Variants in DLG5 observed in about 807,000 individuals in gnomAD.
DLG5 encodes the protein discs large MAGUK scaffold protein 5.
A neutral mutation model predicts 189.8 loss-of-function variants in DLG5; 48 were observed. The ratio of observed to expected loss-of-function variants is 0.25; its 90% CI spans 0.20 to 0.32. The LOEUF is 0.32. DLG5 is among the 10% of genes least tolerant of loss of function. DLG5 has a pLI of 1.00. For missense variants in DLG5, 2,160 were observed against 2,544.7 expected, an observed-to-expected ratio of 0.85 and a Z score of 3.25; for synonymous variants, 1,016 against 1,054.1, an observed-to-expected ratio of 0.96 and a Z score of 0.70.
chr10:77,883,453 G>A (rs1383525294), intron 1 of DLG5, among the ~76,000 whole-genome samples: 1 of 152,074 alleles, frequency 6.6e-6, no homozygotes, highest in East Asian at 1.9e-4. Flanking sequence ...CTCAGAAACT[G>A]GAATGTGGCA....
In DLG5 at chr10:77,796,436, C is replaced by A. The variant is rs1352145565; in HGVS notation, c.5308+15G>T. On this transcript the variant is annotated intron_variant, in intron 28 of 31. Transcript: ENST00000372391. This position sits in a 1 kb window ranked among gnomAD's most constrained non-coding sequence, Gnocchi z 5.2. ...AAGAGCCCAGTAGGCACAGAGGGTG[C>A]CCCGTGCCCCTTACCAAGGGGACAT... The A allele has an allele frequency of 3.7e-6, 6 of 1,614,136 alleles. No homozygotes were observed. The highest frequency in any genetic ancestry group is 5.1e-6 in the Non-Finnish European group (6 of 1,180,016).
At chr10:77,870,299 T>C (rs1844847177) in intron 1 of DLG5, among the ~76,000 whole-genome samples, 1 of 152,116 alleles carries the variant, frequency 6.6e-6, no homozygotes, top group Admixed American at 6.5e-5. Context: ...AATAAGGGCT[T>C]TGAACAAGCC....
intron 24 of DLG5, among the ~76,000 whole-genome samples, chr10:77,808,958 G>A (rs573297417): frequency 1.5e-4 from 23 of 152,046 alleles, no homozygotes; most frequent in Non-Finnish European, 3.2e-4. Flanking sequence ...AATTAGCTGG[G>A]CGTGTTGGCG....
At chr10:77,884,155 T>C (rs576939688) in intron 1 of DLG5, among the ~76,000 whole-genome samples, 1 of 152,038 alleles carries the variant, frequency 6.6e-6, no homozygotes, top group Admixed American at 6.6e-5. Context: ...TAGAAGGCAA[T>C]GGGGTGGAGG....
At chr10:77,895,117 G>A (rs543883620) in intron 1 of DLG5, among the ~76,000 whole-genome samples, 5 of 152,212 alleles carry the variant, frequency 3.3e-5, no homozygotes, top group Non-Finnish European at 7.3e-5. Context: ...GGCTCACTCT[G>A]CAGCCCCAGG....
intron 1 of DLG5, among the ~76,000 whole-genome samples, chr10:77,925,943 T>C (rs1191046667): frequency 6.6e-6 from 1 of 152,156 alleles, no homozygotes; most frequent in Non-Finnish European, 1.5e-5. Context: ...CCCTACCCGC[T>C]ACTGGACCTG....
Position 77,926,100 on chromosome 10 carries a change from G to C in DLG5, c.304+117C>G. 1 of 1,100,664 alleles carries C rather than the reference G, an allele frequency of 9.1e-7. No homozygotes were observed. Among genetic ancestry groups the C allele is most frequent in the Non-Finnish European group, 1.2e-6 (1 of 849,276 alleles). The allele number at this position is 1,100,664 out of a possible 1,614,324, so 68.2% of individuals were successfully genotyped here. On this transcript the variant is annotated intron_variant, in intron 1 of 31. Coordinates refer to ENST00000372391, the MANE Select transcript of DLG5 (RefSeq NM_004747.4). The surrounding 1 kb of genome is among the most constrained non-coding windows in gnomAD (Gnocchi z 5.2). ...GCCTCCCCAACTGGGCCAGAGGAGCGAGTCCACCGAGGCCATCGCCAGGTG... is the reference window on the plus strand; with the variant it reads ...GCCTCCCCAACTGGGCCAGAGGAGCCAGTCCACCGAGGCCATCGCCAGGTG...
intron 1 of DLG5, among the ~76,000 whole-genome samples, chr10:77,875,101 T>C (rs1301993080): frequency 6.6e-6 from 1 of 152,072 alleles, no homozygotes; most frequent in African/African-American, 2.4e-5. Context: ...TTAGAAAAAT[T>C]AATTTGCTGA....
In DLG5 at chr10:77,794,941, C is replaced by G; in HGVS notation, c.5454G>C (p.Leu1818=). ...EITEKNRHCL[L]DIAPHAIERL... is the part of the protein sequence containing the mutation. ...GCTCAATAGCGTGCGGAGCAATGTC[C>G]AGGAGGCAGTGTCGGTTCTGGGGTG... The change falls in exon 30 of 32, where the codon CTG becomes CTC. Residue 1818 remains leucine, a synonymous_variant. Coordinates refer to ENST00000372391, the MANE Select transcript of DLG5 (RefSeq NM_004747.4). The G allele has an allele frequency of 6.2e-7, 1 of 1,613,912 alleles. No individual in the cohort carries two copies. The highest frequency in any genetic ancestry group is 1.1e-5 in the South Asian group (1 of 91,058).
Position 77,794,841 on chromosome 10 carries a change from T to A in DLG5, c.5546+8A>T, listed in dbSNP as rs1019191357. On this transcript the variant is annotated splice_region_variant and intron_variant, in intron 30 of 31. Transcript: ENST00000372391. ...GCCCCAGCGGAGCCCAGGGGGCCAGTTACCTACTTGATGTGCTTGGCGCTC... is the reference window on the plus strand; with the variant it reads ...GCCCCAGCGGAGCCCAGGGGGCCAGATACCTACTTGATGTGCTTGGCGCTC... 9 of 1,613,136 alleles carry A rather than the reference T, an allele frequency of 5.6e-6. No homozygotes were observed. The East Asian group carries it at 1.1e-4, about 20-fold the overall frequency.
At chr10:77,801,901 T>G (rs79161351) in intron 27 of DLG5, among the ~76,000 whole-genome samples, 5,718 of 152,208 alleles carry the variant, frequency 0.038, 365 homozygotes, top group African/African-American at 0.13. Context: ...GAGGAAGGGC[T>G]TTTCCTGGAG....
intron 9 of DLG5, among the ~76,000 whole-genome samples, chr10:77,833,530 T>C (rs1842975177): frequency 6.8e-6 from 1 of 147,068 alleles, no homozygotes; most frequent in Non-Finnish European, 1.5e-5. Flanking sequence ...GAGCAGGTAC[T>C]TAAAAAATCT....
intron 1 of DLG5, among the ~76,000 whole-genome samples, chr10:77,887,154 C>A (rs181041549): frequency 2.0e-5 from 3 of 152,220 alleles, no homozygotes; most frequent in Non-Finnish European, 2.9e-5. Flanking sequence ...CCAGGACAAA[C>A]GTATTGCTGT....
intron 1 of DLG5, among the ~76,000 whole-genome samples, chr10:77,876,371 C>T (rs1208473227): frequency 9.8e-5 from 13 of 132,460 alleles, no homozygotes; most frequent in Non-Finnish European, 1.6e-4. Flanking sequence ...GACCCCATCT[C>T]TCTTTTTTTT....
At chr10:77,862,289 G>T (rs1844501857) in intron 2 of DLG5, among the ~76,000 whole-genome samples, 2 of 151,942 alleles carry the variant, frequency 1.3e-5, no homozygotes, top group Non-Finnish European at 2.9e-5. Flanking sequence ...ATCTGTCCCT[G>T]GACATTCCCT....
intron 9 of DLG5, among the ~76,000 whole-genome samples, chr10:77,832,818 C>T (rs1480084724): frequency 6.6e-6 from 1 of 152,228 alleles, no homozygotes; most frequent in African/African-American, 2.4e-5. Flanking sequence ...GATTCCATCA[C>T]ATTGCTAGAC....
At chr10:77,841,746 G>A (rs1843426000) in intron 7 of DLG5, 135 bp downstream of exon 7, 3 of 958,454 alleles carry the variant, frequency 3.1e-6, no homozygotes, top group Non-Finnish European at 4.6e-6. Flanking sequence ...AACCCAGCTT[G>A]CACTTAGGCC....
chr10:77,809,687 C>G lies in DLG5; in HGVS notation c.4507G>C (p.Val1503Leu). Residue 1503 changes from valine (V) to leucine (L), a missense_variant, in exon 24 of 32, where the codon GTC (valine) becomes CTC (leucine). Val to Leu is a conservative substitution (Grantham distance 32). Coordinates refer to ENST00000372391, the MANE Select transcript of DLG5 (RefSeq NM_004747.4). ...ANKKTLEPRV[V>L]FIKKSQLELG... ...TCCAGCTGGGACTTTTTGATGAAGACAACGCGTGGCTCCAGGGTCTTCTTG... is the reference window on the plus strand; with the variant it reads ...TCCAGCTGGGACTTTTTGATGAAGAGAACGCGTGGCTCCAGGGTCTTCTTG... 1 of 1,614,124 alleles carries G rather than the reference C, an allele frequency of 6.2e-7. No individual in the cohort carries two copies. The highest frequency in any genetic ancestry group is 8.5e-7 in the Non-Finnish European group (1 of 1,180,014).
At chr10:77,869,678 C>G (rs1248658) in intron 1 of DLG5, 109,535 of 157,172 alleles carry the variant, frequency 0.7, 38,527 homozygotes, top group African/African-American at 0.78. Flanking sequence ...TAATAATTTA[C>G]TTAGTATCTG....
Sources: gnomAD v4.1 joint callset for allele counts (sites outside exome capture counted in the v4.1 genomes callset) on GRCh38, gnomAD v4.1.1 for gene constraint, Gnocchi (gnomAD v3.1) non-coding constraint, MANE v1.5 for transcripts, NCBI Gene and HGNC (gene_info 2026-07-23, HGNC 2026-07-21) for gene names.